The following AHCYL2 variants were observed in gnomAD, a reference collection of about 807,000 sequenced individuals.
AHCYL2 encodes S-adenosylhomocysteine hydrolase-like protein 2.
A neutral mutation model predicts 81.4 loss-of-function variants in AHCYL2; 28 were observed. The ratio of observed to expected loss-of-function variants is 0.34; its 90% CI spans 0.25 to 0.47. AHCYL2 has a LOEUF of 0.47. Ranked by LOEUF, AHCYL2 falls within the 20% of genes least tolerant of loss-of-function variation. The pLI is 1.00. For synonymous variants in AHCYL2, 272 were observed against 290.2 expected (o/e 0.94, Z 0.64); for missense variants, 551 against 785.1 (o/e 0.70, Z 3.56).
chr7:129,396,248 G>A (rs906727085), intron 4 of AHCYL2, among the ~76,000 whole-genome samples: 11 of 151,830 alleles, frequency 7.2e-5, no homozygotes, highest in Non-Finnish European at 1.6e-4. Flanking sequence ...TCAGCCTCCC[G>A]AGTAGCTGGG....
At chr7:129,404,490 C>T (rs1796203516) in intron 7 of AHCYL2, among the ~76,000 whole-genome samples, 1 of 152,116 alleles carries the variant, frequency 6.6e-6, no homozygotes, top group South Asian at 2.1e-4. Flanking sequence ...GCCTGGCCAA[C>T]GTGGTGAAAC....
Position 129,419,299 on chromosome 7 carries a change from T to C in AHCYL2, c.1462-3541T>C, listed in dbSNP as rs112162117. The stretch of plus-strand genomic sequence containing the variant: ...AGCCAGGTGTGGTGGCTCACGCCTG[T>C]AATCCCAGCACTTTGGGAGGCTGAG... On this transcript the variant is annotated intron_variant, in intron 12 of 16. Transcript: ENST00000325006. The surrounding 1 kb of genome is among the most constrained non-coding windows in gnomAD (Gnocchi z 4.7). Among the ~76,000 whole-genome samples the C allele has an allele frequency of 3.3e-5, 5 of 152,240 alleles. No individual in the cohort carries two copies. The highest frequency in any genetic ancestry group is 1.2e-4 in the African/African-American group (5 of 41,540).
chr7:129,295,062 C>A (rs1584754060), intron 1 of AHCYL2, among the ~76,000 whole-genome samples: 1 of 152,128 alleles, frequency 6.6e-6, no homozygotes, highest in Non-Finnish European at 1.5e-5. Context: ...TGGCAGTAGG[C>A]CATTGGAACT....
At chr7:129,229,227 C>T (rs1022098423) in intron 1 of AHCYL2, among the ~76,000 whole-genome samples, 1 of 152,080 alleles carries the variant, frequency 6.6e-6, no homozygotes, top group African/African-American at 2.4e-5. Flanking sequence ...ACCACCATGC[C>T]CGGCTAATTT....
intron 1 of AHCYL2, among the ~76,000 whole-genome samples, chr7:129,290,261 T>C (rs907891405): frequency 5.9e-5 from 9 of 151,900 alleles, no homozygotes; most frequent in Admixed American, 1.3e-4. Flanking sequence ...CCCAGCACTT[T>C]GGGAGGCCAA....
At chr7:129,389,823 A>T (rs1334834866) in intron 4 of AHCYL2, 89 bp downstream of exon 4, 1 of 1,064,354 alleles carries the variant, frequency 9.4e-7, no homozygotes, top group East Asian at 2.6e-5. Context: ...GCACCGAGTT[A>T]AGAGCTTAAC....
chr7:129,365,606 T>C (rs1221607329), intron 1 of AHCYL2, among the ~76,000 whole-genome samples: 1 of 124,376 alleles, frequency 8.0e-6, no homozygotes, highest in Non-Finnish European at 1.7e-5. Context: ...TAGCAGATAA[T>C]ACAGTTTACC....
intron 1 of AHCYL2, among the ~76,000 whole-genome samples, chr7:129,302,562 A>T (rs1449143091): frequency 6.6e-6 from 1 of 152,140 alleles, no homozygotes; most frequent in East Asian, 1.9e-4. Context: ...TAGGGTTTTT[A>T]TCATGAAGTG....
rs917457980 is a variant in AHCYL2, at chr7:129,419,742, A to C, written c.1462-3098A>C. Among the ~76,000 whole-genome samples the C allele has an allele frequency of 1.6e-4, 25 of 152,122 alleles. No individual in the cohort carries two copies. The highest frequency in any genetic ancestry group is 2.2e-4 in the Non-Finnish European group (15 of 68,012). On this transcript the variant is annotated intron_variant, in intron 12 of 16. Coordinates refer to ENST00000325006, the MANE Select transcript of AHCYL2 (RefSeq NM_015328.4). This position sits in a 1 kb window ranked among gnomAD's most constrained non-coding sequence, Gnocchi z 4.7. Reference sequence around the variant, plus strand: ...TACAGTTGTTCTCCCTGAAAAAAAAAAAACAAAAAAAAACCGGATATGCAC... The same window carrying C: ...TACAGTTGTTCTCCCTGAAAAAAAACAAACAAAAAAAAACCGGATATGCAC...
At chr7:129,403,851 A>C (rs1796154227) in intron 7 of AHCYL2, among the ~76,000 whole-genome samples, 1 of 113,344 alleles carries the variant, frequency 8.8e-6, no homozygotes, top group African/African-American at 3.4e-5. Context: ...ACAGAGCGAG[A>C]CTCCATCTCA....
At chr7:129,350,357 A>T (rs1368978091) in intron 1 of AHCYL2, among the ~76,000 whole-genome samples, 1 of 152,056 alleles carries the variant, frequency 6.6e-6, no homozygotes, top group Non-Finnish European at 1.5e-5. Flanking sequence ...AGTATTTGGA[A>T]TGTAGAAAGC....
intron 11 of AHCYL2, 131 bp downstream of exon 11, chr7:129,409,677 C>A: frequency 1.5e-6 from 1 of 684,596 alleles, no homozygotes; most frequent in Non-Finnish European, 2.5e-6. Flanking sequence ...CAAAGCCAGC[C>A]AGTCTTTCAC....
intron 1 of AHCYL2, among the ~76,000 whole-genome samples, chr7:129,340,752 T>C (rs544033799): frequency 6.6e-6 from 1 of 152,326 alleles, no homozygotes; most frequent in African/African-American, 2.4e-5. Flanking sequence ...TCAAATGCTT[T>C]TTCTATATCT....
chr7:129,261,363 G>A (rs1292392911), intron 1 of AHCYL2, among the ~76,000 whole-genome samples: 1 of 152,116 alleles, frequency 6.6e-6, no homozygotes, highest in African/African-American at 2.4e-5. Flanking sequence ...GAGTTCTGTG[G>A]CAACTGTTAG....
At chr7:129,299,479 C>T (rs1408926895) in intron 1 of AHCYL2, among the ~76,000 whole-genome samples, 2 of 147,168 alleles carry the variant, frequency 1.4e-5, no homozygotes, top group South Asian at 2.1e-4. Flanking sequence ...CTGCAAGCTC[C>T]GCCTCCCGGG....
At position 129,405,060 on chromosome 7, in the gene AHCYL2, C is replaced by G. The variant is rs751472259; in HGVS notation, c.1026-37C>G. 4 of 1,383,536 alleles carry G rather than the reference C, an allele frequency of 2.9e-6. No individual in the cohort carries two copies. The East Asian group carries it at 1.0e-4, about 34-fold the overall frequency. 85.7% of individuals were successfully genotyped at this position (1,383,536 alleles called of 1,614,324 possible). On this transcript the variant is annotated intron_variant, in intron 7 of 16. Coordinates refer to ENST00000325006, the MANE Select transcript of AHCYL2 (RefSeq NM_015328.4). ...TGAAAGCAATGGTAGATTGTAATGT[C>G]CTGGTGTTTTTTGTTCTTGGCTTCC...
At chr7:129,256,589 G>A (rs1214150198) in intron 1 of AHCYL2, among the ~76,000 whole-genome samples, 1 of 120,104 alleles carries the variant, frequency 8.3e-6, no homozygotes, top group African/African-American at 3.3e-5. Flanking sequence ...CTGCTTTGTT[G>A]TTTTTAAAGT....
intron 1 of AHCYL2, among the ~76,000 whole-genome samples, chr7:129,321,743 G>GTTTTTTTTTTTTTTTTTTTTTTT: frequency 2.6e-5 from 2 of 77,626 alleles, no homozygotes; most frequent in Non-Finnish European, 5.0e-5. Flanking sequence ...TTCTTTCTTT[G>GTTTTTTTTTTTTTTTTTTTTTTT]TTTTTTTTTT....
chr7:129,354,234 A>G (rs1584815359), intron 1 of AHCYL2, among the ~76,000 whole-genome samples: 1 of 152,340 alleles, frequency 6.6e-6, no homozygotes, highest in Middle Eastern at 3.4e-3. Context: ...TTTTGATGGG[A>G]AGAGAGGATC....
Sources: allele counts gnomAD v4.1 joint callset (sites outside exome capture counted in the v4.1 genomes callset), GRCh38; gene constraint gnomAD v4.1.1; non-coding constraint Gnocchi (gnomAD v3.1); transcripts MANE v1.5; gene names NCBI Gene and HGNC (gene_info 2026-07-23, HGNC 2026-07-21).